The following SLC7A9 variants were observed in gnomAD, a reference collection of about 807,000 sequenced individuals.
The protein encoded by SLC7A9 is solute carrier family 7 member 9.
A neutral mutation model predicts 54.1 loss-of-function variants in SLC7A9; 38 were observed. That is an observed-to-expected ratio of 0.70 (90% confidence interval 0.54 to 0.92). The LOEUF (loss-of-function observed/expected upper bound fraction) is 0.92. Among genes scored for constraint, SLC7A9 ranks in the 40% least tolerant of loss-of-function variants. The pLI is 0.00. For synonymous variants in SLC7A9, 264 were observed against 258.9 expected, an observed-to-expected ratio of 1.02 and a Z score of -0.19; for missense variants, 537 against 636.1, an observed-to-expected ratio of 0.84 and a Z score of 1.68.
chr19:32,865,128 CAAT>C (rs767384195), intron 2 of SLC7A9, among the ~76,000 whole-genome samples: 1 of 152,110 alleles, frequency 6.6e-6, no homozygotes, highest in Non-Finnish European at 1.5e-5. Context: ...CCTGTGCCCT[CAAT>C]GAAAAGGCTG....
chr19:32,856,054 G>A (rs2145833109), intron 9 of SLC7A9, among the ~76,000 whole-genome samples: 1 of 152,304 alleles, frequency 6.6e-6, no homozygotes, highest in African/African-American at 2.4e-5. Context: ...GCTGAAGGAA[G>A]AGGGGCCTGG....
chr19:32,838,915 T>A (rs1968050110), intron 11 of SLC7A9, among the ~76,000 whole-genome samples: 1 of 151,616 alleles, frequency 6.6e-6, no homozygotes, highest in South Asian at 2.1e-4. Context: ...AGATATGAAT[T>A]ATATTATTAA....
At chr19:32,832,997 C>G in intron 12 of SLC7A9, 152 bp downstream of exon 12, 1 of 778,508 alleles carries the variant, frequency 1.3e-6, no homozygotes, top group Non-Finnish European at 2.3e-6. Context: ...CAGAGGTGTA[C>G]AGTGAGGGCG....
chr19:32,833,379 T>A, intron 11 of SLC7A9, 56 bp from the exon 12 acceptor site: 1 of 1,533,346 alleles, frequency 6.5e-7, no homozygotes, highest in Non-Finnish European at 9.0e-7. Context: ...TTTTTCATGA[T>A]AAAAAACCGA....
intron 2 of SLC7A9, among the ~76,000 whole-genome samples, chr19:32,867,379 T>C (rs1969001675): frequency 6.6e-6 from 1 of 151,966 alleles, no homozygotes; most frequent in Non-Finnish European, 1.5e-5. Context: ...TGGCAGAGCA[T>C]GGTGGTGTGC....
chr19:32,849,394 T>C (rs916930861), intron 9 of SLC7A9, among the ~76,000 whole-genome samples: 34 of 152,018 alleles, frequency 2.2e-4, no homozygotes, highest in African/African-American at 7.9e-4. Context: ...CAGAGAATAC[T>C]ACAAACACCT....
chr19:32,862,289 T>A, intron 5 of SLC7A9, 72 bp from the exon 6 acceptor site: 1 of 1,438,586 alleles, frequency 7.0e-7, no homozygotes, highest in South Asian at 1.1e-5. Flanking sequence ...ACGGGAAAGA[T>A]GGGCATGATT....
chr19:32,862,459 A>G lies in SLC7A9; in HGVS notation c.604+2T>C, dbSNP rs763110287. ...TGCAGGGCCCACCCTCCCGTGGGTC[A>G]CCTTGGGCCAGGAGCACCAGCCCGC... On this transcript the variant is annotated splice_donor_variant, in intron 5 of 12. Coordinates refer to ENST00000023064, the MANE Select transcript of SLC7A9 (RefSeq NM_014270.5). LOFTEE classifies it high-confidence loss of function. 2.3e-5 allele frequency: 37 copies of G among 1,612,520 alleles called. No individual in the cohort carries two copies. Among genetic ancestry groups the G allele is most frequent in the Non-Finnish European group, 3.1e-5 (36 of 1,179,986 alleles).
At chr19:32,855,228 T>C (rs1968583511) in intron 9 of SLC7A9, among the ~76,000 whole-genome samples, 1 of 152,166 alleles carries the variant, frequency 6.6e-6, no homozygotes, top group Non-Finnish European at 1.5e-5. Context: ...ATCTCCCTTA[T>C]GTATTATGGA....
At chr19:32,839,577 G>C (rs751361578) in intron 11 of SLC7A9, among the ~76,000 whole-genome samples, 7 of 148,594 alleles carry the variant, frequency 4.7e-5, no homozygotes, top group Admixed American at 2.7e-4. Context: ...AAAAAGTCTC[G>C]TGTAAGGATA....
intron 11 of SLC7A9, among the ~76,000 whole-genome samples, chr19:32,840,780 G>A (rs1968105584): frequency 6.6e-6 from 1 of 152,070 alleles, no homozygotes; most frequent in African/African-American, 2.4e-5. Flanking sequence ...CTCCCCTGGG[G>A]GTCCTCTGAT....
At chr19:32,867,706 A>C (rs1189958521) in intron 2 of SLC7A9, among the ~76,000 whole-genome samples, 1 of 152,136 alleles carries the variant, frequency 6.6e-6, no homozygotes. Context: ...ACACTTTGGG[A>C]GGCCGAGGTG....
chr19:32,858,844 A>AGTGGCGTGATC (rs1968710073), intron 8 of SLC7A9, among the ~76,000 whole-genome samples: 1 of 151,204 alleles, frequency 6.6e-6, no homozygotes. Flanking sequence ...GCTGGAGTGC[A>AGTGGCGTGATC]ATGTTGCTGT....
intron 9 of SLC7A9, among the ~76,000 whole-genome samples, chr19:32,854,220 G>T (rs1167480486): frequency 6.6e-6 from 1 of 151,952 alleles, no homozygotes; most frequent in Non-Finnish European, 1.5e-5. Context: ...TCACTATGTT[G>T]CCTAGGCTGG....
intron 9 of SLC7A9, among the ~76,000 whole-genome samples, chr19:32,848,852 A>C (rs1968378884): frequency 6.6e-6 from 1 of 152,254 alleles, no homozygotes; most frequent in African/African-American, 2.4e-5. Flanking sequence ...CCACAGTGCA[A>C]TCAAACTAGA....
intron 12 of SLC7A9, among the ~76,000 whole-genome samples, chr19:32,831,615 TC>T (rs1967797847): frequency 6.6e-6 from 1 of 152,180 alleles, no homozygotes; most frequent in African/African-American, 2.4e-5. Context: ...AAGGTGTAAT[TC>T]CGTCTCTTTT....
rs1337355955 is a variant in SLC7A9 at position 32,864,442 on chromosome 19, C to T, written c.236-104G>A. On this transcript the variant is annotated intron_variant, in intron 3 of 12. Coordinates refer to ENST00000023064, the MANE Select transcript of SLC7A9 (RefSeq NM_014270.5). Reference sequence around the variant, plus strand: ...GGCTGCGCTCGTATGGAGGGGCCCACCGTGGTCCGCCCTCGCTGGACGGCC... The same window carrying T: ...GGCTGCGCTCGTATGGAGGGGCCCATCGTGGTCCGCCCTCGCTGGACGGCC... 1.9e-6 allele frequency: 3 copies of T among 1,556,982 alleles called. No homozygotes were observed. In the African/African-American group the frequency reaches 4.1e-5, roughly 21 times the overall value.
At chr19:32,845,529 C>G (rs1968263159) in intron 9 of SLC7A9, among the ~76,000 whole-genome samples, 1 of 152,062 alleles carries the variant, frequency 6.6e-6, no homozygotes, top group African/African-American at 2.4e-5. Context: ...CAAAAAAACC[C>G]AGGAGCCCTT....
chr19:32,833,666 C>T (rs1967872851), intron 11 of SLC7A9, among the ~76,000 whole-genome samples: 1 of 151,998 alleles, frequency 6.6e-6, no homozygotes, highest in African/African-American at 2.4e-5. Flanking sequence ...GGCGTGGTGG[C>T]AGGTGCCTGT....
Sources: allele counts gnomAD v4.1 joint callset (sites outside exome capture counted in the v4.1 genomes callset), GRCh38; gene constraint gnomAD v4.1.1; transcripts MANE v1.5; gene names NCBI Gene and HGNC (gene_info 2026-07-23, HGNC 2026-07-21).